The following DENND2B variants were observed in gnomAD, a reference collection of about 807,000 sequenced individuals.
The protein encoded by DENND2B is DENN domain containing 2B, also known as DENN domain-containing protein 2B.
DENND2B carries 32 observed loss-of-function variants against 116.0 expected under a neutral mutation model. That is an observed-to-expected ratio of 0.28 (90% CI 0.21 to 0.37). The LOEUF (loss-of-function observed/expected upper bound fraction) is 0.37, where lower values mean the gene tolerates loss of function less well. Among genes scored for constraint, DENND2B ranks in the 10% least tolerant of loss-of-function variants. The probability of loss-of-function intolerance (pLI) is 1.00; values close to 1 mark genes in which losing one functional copy is unlikely to be tolerated. For missense variants in DENND2B, 1,276 were observed against 1,477.7 expected (o/e 0.86, Z 2.24); for synonymous variants, 588 against 583.9 (o/e 1.01, Z -0.10).
In DENND2B at chr11:8,699,221, C is replaced by T. The variant is rs139287001; in HGVS notation, c.2890G>A (p.Val964Met). ...SSLPKLKELPVEEALMVNLGS... is the reference protein window; with the variant it reads ...SSLPKLKELPMEEALMVNLGS... ...TTCCCCCGGTGGCCCACCTCCTCCACAGGCAGCTCCTTCAGTTTGGGGAGG... is the reference window on the plus strand; with the variant it reads ...TTCCCCCGGTGGCCCACCTCCTCCATAGGCAGCTCCTTCAGTTTGGGGAGG... The change falls in exon 15 of 20, where the codon GTG becomes ATG. Residue 964 changes from valine to methionine, a missense_variant. Around this residue, in one of 2 missense-constraint regions of DENND2B, gnomAD observed 420 missense variants for 631.1 expected, o/e 0.67. Coordinates refer to ENST00000313726, the MANE Select transcript of DENND2B (RefSeq NM_213618.2). 25 of 1,564,136 alleles carry T rather than the reference C, an allele frequency of 1.6e-5. No individual in the cohort carries two copies. The African/African-American group carries it at 3.5e-4, about 22-fold the overall frequency.
At chr11:8,779,744 C>T (rs1001435186) in intron 1 of DENND2B, among the ~76,000 whole-genome samples, 1 of 152,118 alleles carries the variant, frequency 6.6e-6, no homozygotes, top group Admixed American at 6.6e-5. Flanking sequence ...GAACTCCTGA[C>T]CTCAGGTGAT....
intron 2 of DENND2B, among the ~76,000 whole-genome samples, chr11:8,745,068 C>T (rs1052061860): frequency 2.0e-5 from 3 of 152,084 alleles, no homozygotes; most frequent in African/African-American, 7.2e-5. Context: ...AGGCATGCAC[C>T]ACCACACCCA....
chr11:8,712,731 G>A lies in DENND2B; in HGVS notation c.1992C>T (p.His664=). ...ACTGGATGTGGACCAGGCGCTGTGT[G>A]TGGGCTGGAGGCAGGTTGCACATCA... is the stretch of plus-strand genomic sequence containing the variant. The part of the protein sequence containing the change: ...ESDSDDRFKA[H]TQRLVHIQSM... Residue 664 remains histidine (H), a synonymous_variant, in exon 9 of 20, where the codon CAC becomes CAT. Coordinates refer to ENST00000313726, the MANE Select transcript of DENND2B (RefSeq NM_213618.2). The surrounding 1 kb of genome is among the most constrained non-coding windows in gnomAD (Gnocchi z 4.4). 6.2e-7 allele frequency: 1 copy of A among 1,608,952 alleles called. No individual in the cohort carries two copies. Among genetic ancestry groups the A allele is most frequent in the Non-Finnish European group, 8.5e-7 (1 of 1,177,384 alleles).
At chr11:8,794,328 G>A (rs1433112242) in intron 1 of DENND2B, among the ~76,000 whole-genome samples, 1 of 152,172 alleles carries the variant, frequency 6.6e-6, no homozygotes, top group African/African-American at 2.4e-5. Flanking sequence ...CAGGCACCTA[G>A]GACTGAATCC....
rs2133654081 is a variant in DENND2B at position 8,695,498 on chromosome 11, T to C, written c.3344A>G (p.Glu1115Gly). The C allele has an allele frequency of 6.2e-7, 1 of 1,613,994 alleles. No homozygotes were observed. The highest frequency in any genetic ancestry group is 8.5e-7 in the Non-Finnish European group (1 of 1,180,028). ...GAGAAACTTATTCATTCCACTCTGC[T>C]CAGTGTCTGGGAGTTCTTCTAAGTA... is the stretch of plus-strand genomic sequence containing the variant. ...EQYLEELPDT[E>G]QSGMNKFLRG... Residue 1115 changes from glutamate to glycine, a missense_variant, in exon 19 of 20, where the codon GAG becomes GGG. By Grantham distance (98) the Glu-to-Gly change is moderately conservative. This residue lies in a region of DENND2B where 420 missense variants were observed against 631.1 expected (regional missense o/e 0.67). Coordinates refer to ENST00000313726, the MANE Select transcript of DENND2B (RefSeq NM_213618.2).
chr11:8,875,900 G>A (rs931884272), upstream of DENND2B, among the ~76,000 whole-genome samples: 5 of 151,930 alleles, frequency 3.3e-5, no homozygotes, highest in African/African-American at 7.3e-5. Flanking sequence ...GAAAGCATAC[G>A]TTGAGTCCCC....
At chr11:8,850,940 C>T (rs997948796) in intron 3 of DENND2B, among the ~76,000 whole-genome samples, 5 of 152,136 alleles carry the variant, frequency 3.3e-5, no homozygotes, top group African/African-American at 1.2e-4. Flanking sequence ...AAGAGAAACA[C>T]CACATGATCT....
chr11:8,867,359 G>C (rs1007157525), intron 2 of DENND2B, among the ~76,000 whole-genome samples: 1 of 152,150 alleles, frequency 6.6e-6, no homozygotes, highest in Non-Finnish European at 1.5e-5. Flanking sequence ...TAACTGGTAA[G>C]AAATGTGGAG....
intron 2 of DENND2B, among the ~76,000 whole-genome samples, chr11:8,879,065 T>C (rs2134724577): frequency 6.6e-6 from 1 of 152,366 alleles, no homozygotes; most frequent in East Asian, 1.9e-4. Context: ...TTTAAAAAGG[T>C]AGACTCACTA....
intron 1 of DENND2B, among the ~76,000 whole-genome samples, chr11:8,884,845 A>G (rs1031373433): frequency 2.0e-5 from 3 of 152,180 alleles, no homozygotes; most frequent in East Asian, 3.9e-4. Flanking sequence ...ATCTCAGCCC[A>G]TAAGTCTTCA....
chr11:8,767,905 G>T (rs1593384211), intron 1 of DENND2B, among the ~76,000 whole-genome samples: 1 of 152,168 alleles, frequency 6.6e-6, no homozygotes, highest in African/African-American at 2.4e-5. Context: ...CACCACTAGA[G>T]ATCTGGTAAT....
intron 3 of DENND2B, among the ~76,000 whole-genome samples, chr11:8,839,757 A>G (rs937400396): frequency 4.6e-5 from 7 of 152,134 alleles, no homozygotes; most frequent in African/African-American, 1.7e-4. Context: ...AAGGTCCAGA[A>G]CCCTTGCATC....
At chr11:8,824,912 T>C (rs1189625809) in intron 4 of DENND2B, among the ~76,000 whole-genome samples, 1 of 150,566 alleles carries the variant, frequency 6.6e-6, no homozygotes, top group African/African-American at 2.4e-5. Flanking sequence ...TTGGCCAGGC[T>C]GGTCTCGAAC....
intron 6 of DENND2B, 87 bp from the exon 7 acceptor site, chr11:8,714,793 C>G: frequency 8.8e-7 from 1 of 1,136,574 alleles, no homozygotes. Context: ...CATCCCTGCC[C>G]TTAATGGTAC....
chr11:8,822,300 C>T (rs2134549142), intron 4 of DENND2B, among the ~76,000 whole-genome samples: 1 of 152,230 alleles, frequency 6.6e-6, no homozygotes, highest in East Asian at 1.9e-4. Flanking sequence ...CTATCACAAA[C>T]AAATTAACAC....
chr11:8,836,684 T>C (rs1297781964), intron 4 of DENND2B, among the ~76,000 whole-genome samples: 1 of 151,774 alleles, frequency 6.6e-6, no homozygotes, highest in African/African-American at 2.4e-5. Flanking sequence ...CCTCCCAAAG[T>C]GCTGGATTAT....
chr11:8,889,941 C>T lies in DENND2B; in HGVS notation c.-255-8832G>A, dbSNP rs1337750766. ...TGAGATCTGACAATGGACAGACTGCCTCCTCAAGTGGATCCCTGACCCCCG... is the reference window on the plus strand; with the variant it reads ...TGAGATCTGACAATGGACAGACTGCTTCCTCAAGTGGATCCCTGACCCCCG... On this transcript the variant is annotated intron_variant, in intron 1 of 22. Coordinates refer to the DENND2B transcript ENST00000534127. Among the ~76,000 whole-genome samples, 12 of 152,326 alleles carry T rather than the reference C, an allele frequency of 7.9e-5. No homozygotes were observed. The East Asian group carries it at 2.3e-3, about 29-fold the overall frequency.
At chr11:8,733,804 G>A (rs780733938) in intron 2 of DENND2B, among the ~76,000 whole-genome samples, 6 of 152,302 alleles carry the variant, frequency 3.9e-5, no homozygotes, top group East Asian at 3.9e-4. Flanking sequence ...GCTCCAGCAC[G>A]AATAAATCCT....
chr11:8,718,497 A>T (rs1163162185), intron 4 of DENND2B: 6 of 1,466,924 alleles, frequency 4.1e-6, no homozygotes, highest in Non-Finnish European at 5.4e-6. Context: ...CTCGGAACGG[A>T]ACAGTGATTA....
Sources: gnomAD v4.1 joint callset for allele counts (sites outside exome capture counted in the v4.1 genomes callset) on GRCh38, gnomAD v4.1.1 for gene constraint, gnomAD v4.1.1 regional missense constraint, Gnocchi (gnomAD v3.1) non-coding constraint, MANE v1.5 for transcripts, NCBI Gene and HGNC (gene_info 2026-07-23, HGNC 2026-07-21) for gene names.